The following ANK3 variants were observed in gnomAD, a reference collection of about 807,000 sequenced individuals.
ANK3 encodes ankyrin 3, also known as ankyrin-3.
Under a neutral mutation model 370.9 loss-of-function variants are expected in ANK3, and 57 were observed. The ratio of observed to expected loss-of-function variants is 0.15; its 90% CI spans 0.12 to 0.19. ANK3 has a LOEUF of 0.19. Among genes scored for constraint, ANK3 ranks in the 10% least tolerant of loss-of-function variants. The pLI, the probability that ANK3 is intolerant of heterozygous loss-of-function variation, is 1.00. For synonymous variants in ANK3, 1,929 were observed against 1,946.3 expected (o/e 0.99, Z 0.23); for missense variants, 4,439 against 5,302.1 (o/e 0.84, Z 5.06).
intron 2 of ANK3, among the ~76,000 whole-genome samples, chr10:60,418,846 C>A (rs115727193): frequency 6.4e-4 from 96 of 151,140 alleles, no homozygotes; most frequent in African/African-American, 2.0e-3. Context: ...TTAGGGTGAC[C>A]TTTTCAAACG....
chr10:60,158,239 A>G (rs975697464), intron 23 of ANK3, among the ~76,000 whole-genome samples: 1 of 152,224 alleles, frequency 6.6e-6, no homozygotes, highest in African/African-American at 2.4e-5. Context: ...GTTCTTCAGT[A>G]TGAAAGAAAA....
rs10994316 is a variant in ANK3 at position 60,363,976 on chromosome 10, T to C, written c.114+25449A>G. On this transcript the variant is annotated intron_variant, in intron 1 of 43. Coordinates refer to ENST00000280772, the MANE Select transcript of ANK3 (RefSeq NM_020987.5). ...AAAAAGAGGAAGGAGAAGTGTTTTT[T>C]TTTTTTTTTTTTTTTTTTAACTTTA... 2.8e-5 allele frequency among the ~76,000 whole-genome samples: 4 copies of C among 144,544 alleles called. No homozygotes were observed. The South Asian group carries it at 6.7e-4, about 24-fold the overall frequency. 94.8% of individuals were successfully genotyped at this position (144,544 alleles called of 152,430 possible).
chr10:60,053,806 T>C lies in ANK3; in HGVS notation c.13065+1852A>G, dbSNP rs1417819211. On this transcript the variant is annotated intron_variant, in intron 42 of 43. Coordinates refer to ENST00000280772, the MANE Select transcript of ANK3 (RefSeq NM_020987.5). ...GACCTAGTTGGTTGCTATTATACTA[T>C]GGTATAGCCACAAACGATACATCCT... 7 of 1,164,914 alleles carry C rather than the reference T, an allele frequency of 6.0e-6. No homozygotes were observed. In the East Asian group the frequency reaches 2.3e-4, roughly 39 times the overall value. 72.2% of individuals were successfully genotyped at this position (1,164,914 alleles called of 1,614,324 possible). A position where few individuals can be genotyped will look rare whatever the true frequency, so the allele number is the denominator to read the frequency against.
intron 2 of ANK3, among the ~76,000 whole-genome samples, chr10:60,572,305 A>G (rs2077620367): frequency 6.6e-6 from 1 of 152,192 alleles, no homozygotes; most frequent in Non-Finnish European, 1.5e-5. Context: ...TTCCTCCAAG[A>G]CAGAACACAC....
chr10:60,663,076 A>G (rs2078954820), intron 1 of ANK3, among the ~76,000 whole-genome samples: 1 of 152,192 alleles, frequency 6.6e-6, no homozygotes, highest in South Asian at 2.1e-4. Flanking sequence ...AACTCGCCTC[A>G]CAAAATCAGT....
At chr10:60,124,960 GTAT>G (rs1205956310) in intron 25 of ANK3, among the ~76,000 whole-genome samples, 2 of 152,164 alleles carry the variant, frequency 1.3e-5, no homozygotes, top group African/African-American at 2.4e-5. Context: ...AGTGTATTAA[GTAT>G]TATAATTATT....
At chr10:60,588,650 G>A (rs1265796972) in intron 2 of ANK3, among the ~76,000 whole-genome samples, 3 of 152,184 alleles carry the variant, frequency 2.0e-5, no homozygotes, top group Non-Finnish European at 4.4e-5. Flanking sequence ...GCTGGGTGAG[G>A]TGGCTCATGC....
At chr10:60,269,461 T>C (rs1250104674) in intron 5 of ANK3, among the ~76,000 whole-genome samples, 1 of 152,062 alleles carries the variant, frequency 6.6e-6, no homozygotes, top group Non-Finnish European at 1.5e-5. Context: ...CTGGCCAAGA[T>C]GGTGAAACCC....
intron 2 of ANK3, among the ~76,000 whole-genome samples, chr10:60,453,200 T>C (rs558581302): frequency 1.3e-4 from 20 of 152,320 alleles, no homozygotes; most frequent in African/African-American, 4.6e-4. Flanking sequence ...CATTTAATCC[T>C]GCATAAGGAA....
intron 2 of ANK3, among the ~76,000 whole-genome samples, chr10:60,598,324 A>G (rs886347206): frequency 1.3e-5 from 2 of 152,218 alleles, no homozygotes; most frequent in African/African-American, 4.8e-5. Flanking sequence ...TTTATTAAAG[A>G]GACAAATATT....
At chr10:60,120,093 T>C (rs971523352) in intron 25 of ANK3, among the ~76,000 whole-genome samples, 4 of 152,096 alleles carry the variant, frequency 2.6e-5, no homozygotes, top group Admixed American at 6.5e-5. Flanking sequence ...CAAAACGGCA[T>C]GGTGCTGGGA....
intron 2 of ANK3, among the ~76,000 whole-genome samples, chr10:60,567,498 C>G (rs541958696): frequency 6.6e-6 from 1 of 152,124 alleles, no homozygotes; most frequent in Non-Finnish European, 1.5e-5. Flanking sequence ...TGCTCATTGA[C>G]AATGCACCTG....
chr10:60,715,148 C>T (rs1349711919), intron 1 of ANK3, among the ~76,000 whole-genome samples: 1 of 123,660 alleles, frequency 8.1e-6, no homozygotes, highest in East Asian at 2.6e-4. Flanking sequence ...TAAAACTGCT[C>T]TAGAAAATAA....
At position 60,261,883 on chromosome 10, in the gene ANK3, C is replaced by T. The variant is rs146748344; in HGVS notation, c.774G>A (p.Ala258=). Residue 258 remains alanine (A), a synonymous_variant, in exon 7 of 44, where the codon GCG becomes GCA. Coordinates refer to ENST00000280772, the MANE Select transcript of ANK3 (RefSeq NM_020987.5). ...INVATLLLNR[A]AAVDFTARND... ...CCCTTGCGGTGAAATCCACAGCAGC[C>T]GCTCGGTTTAACAGCAACGTGGCTA... 31 of 1,614,054 alleles carry T rather than the reference C, an allele frequency of 1.9e-5. No individual in the cohort carries two copies. The highest frequency in any genetic ancestry group is 1.6e-4 in the African/African-American group (12 of 75,040).
chr10:60,695,906 C>A (rs1006219164), intron 1 of ANK3, among the ~76,000 whole-genome samples: 4 of 150,982 alleles, frequency 2.6e-5, no homozygotes, highest in African/African-American at 4.9e-5. Context: ...AAAATCAGAG[C>A]AGAACTGAAG....
At chr10:60,380,785 GT>G (rs912063472) in intron 1 of ANK3, among the ~76,000 whole-genome samples, 3 of 152,186 alleles carry the variant, frequency 2.0e-5, no homozygotes, top group Non-Finnish European at 2.9e-5. Context: ...CACTTCTTCT[GT>G]TTTGTTTAAG....
At chr10:60,627,306 A>T (rs16915238) in intron 1 of ANK3, among the ~76,000 whole-genome samples, 6,756 of 152,140 alleles carry the variant, frequency 0.044, 168 homozygotes, top group Middle Eastern at 0.075. Context: ...TCCATTCAGT[A>T]TTGACTCAAG....
At position 60,236,580 on chromosome 10, in the gene ANK3, C is replaced by G. The variant is rs192979147; in HGVS notation, c.799-1794G>C. Among the ~76,000 whole-genome samples the G allele has an allele frequency of 8.0e-4, 122 of 152,220 alleles. 1 individual carries two copies. The highest frequency in any genetic ancestry group is 2.9e-3 in the African/African-American group (120 of 41,522). On this transcript the variant is annotated intron_variant, in intron 7 of 43. Transcript: ENST00000280772. Reference sequence around the variant, plus strand: ...GGAGTTGTTTAACATGTCCTTTTCTCCCTGTATTTTATGTAAACTTTTCTA... The same window carrying G: ...GGAGTTGTTTAACATGTCCTTTTCTGCCTGTATTTTATGTAAACTTTTCTA...
At chr10:60,732,785 G>A (rs775515886) in intron 1 of ANK3, among the ~76,000 whole-genome samples, 8 of 151,742 alleles carry the variant, frequency 5.3e-5, no homozygotes, top group Non-Finnish European at 1.0e-4. Context: ...TCCGAACCAG[G>A]TGATTTCCTC....
Sources: allele counts gnomAD v4.1 joint callset (sites outside exome capture counted in the v4.1 genomes callset), GRCh38; gene constraint gnomAD v4.1.1; transcripts MANE v1.5; gene names NCBI Gene and HGNC (gene_info 2026-07-23, HGNC 2026-07-21).